CCNH: variants seen among roughly 807,000 people sequenced by gnomAD.
The protein encoded by CCNH is cyclin H.
In CCNH, 31 loss-of-function variants were observed where a neutral mutation model predicts 41.9. The observed-to-expected ratio is 0.74, with a 90% CI of 0.56 to 1.00. CCNH has a LOEUF of 1.00. Among genes scored for constraint, CCNH ranks in the 50% least tolerant of loss-of-function variants. The pLI is 0.00. For synonymous variants in CCNH, 138 were observed against 136.1 expected, an observed-to-expected ratio of 1.01 and a Z score of -0.10; for missense variants, 362 against 388.4, an observed-to-expected ratio of 0.93 and a Z score of 0.57.
intron 9 of CCNH, chr5:87,366,307 G>A: frequency 2.7e-6 from 1 of 367,812 alleles, no homozygotes; most frequent in South Asian, 2.1e-5. Flanking sequence ...CTGTAAGATT[G>A]AAGAAAAGCT....
chr5:87,345,384 G>A (rs530340564), intron 9 of CCNH, among the ~76,000 whole-genome samples: 12 of 152,154 alleles, frequency 7.9e-5, no homozygotes, highest in African/African-American at 2.9e-4. Flanking sequence ...AACTGTAGAA[G>A]TAGAGGATTA....
At chr5:87,331,119 T>A (rs1432999211) in intron 9 of CCNH, 1 of 851,902 alleles carries the variant, frequency 1.2e-6, no homozygotes, top group African/African-American at 1.7e-5. Context: ...GATTTATATA[T>A]GAGATGACTA....
intron 9 of CCNH, among the ~76,000 whole-genome samples, chr5:87,360,045 T>C (rs1252638812): frequency 6.6e-6 from 1 of 152,146 alleles, no homozygotes; most frequent in Admixed American, 6.5e-5. Context: ...ATTGTATCTA[T>C]CATATCAATT....
chr5:87,381,811 C>T (rs1761734858), upstream of CCNH, among the ~76,000 whole-genome samples: 1 of 152,138 alleles, frequency 6.6e-6, no homozygotes, highest in African/African-American at 2.4e-5. Flanking sequence ...AAATTGTAAA[C>T]TGTTTCGTGC....
chr5:87,382,421 A>G (rs1013487090), intron 9 of CCNH, among the ~76,000 whole-genome samples: 2 of 152,172 alleles, frequency 1.3e-5, no homozygotes, highest in African/African-American at 4.8e-5. Context: ...GAATTGCGTA[A>G]CTCATTATTT....
chr5:87,352,361 T>C (rs1293123519), intron 9 of CCNH, among the ~76,000 whole-genome samples: 3 of 151,610 alleles, frequency 2.0e-5, no homozygotes, highest in Admixed American at 6.6e-5. Context: ...AAACAAAATC[T>C]GTCTGGAGAA....
chr5:87,341,840 A>G (rs1383038330), intron 9 of CCNH, among the ~76,000 whole-genome samples: 4 of 152,092 alleles, frequency 2.6e-5, no homozygotes, highest in Admixed American at 6.5e-5. Context: ...TCATCTCCTA[A>G]TATCTTTTCA....
downstream of CCNH, among the ~76,000 whole-genome samples, chr5:87,314,777 G>C (rs887866165): frequency 1.3e-5 from 2 of 152,102 alleles, no homozygotes; most frequent in Non-Finnish European, 2.9e-5. Context: ...TGTTAGTTGA[G>C]ATATCCAGAT....
At chr5:87,382,050 C>G (rs1397594770), upstream of CCNH, among the ~76,000 whole-genome samples, 2 of 152,126 alleles carry the variant, frequency 1.3e-5, no homozygotes, top group African/African-American at 4.8e-5. Flanking sequence ...CTCCCAGGTT[C>G]AAGTGAGATT....
chr5:87,392,636 T>A, downstream of CCNH: 1 of 232,166 alleles, frequency 4.3e-6, no homozygotes, highest in Non-Finnish European at 8.8e-6. Flanking sequence ...CCTCAATCTT[T>A]AGCCATACTA....
chr5:87,337,896 T>C (rs1007970866), intron 9 of CCNH: 1 of 1,403,838 alleles, frequency 7.1e-7, no homozygotes. Flanking sequence ...ATCCCTATCC[T>C]ATTTTGTGGT....
upstream of CCNH, chr5:87,378,294 GT>G (rs1761460224): frequency 7.4e-7 from 1 of 1,357,362 alleles, no homozygotes. Flanking sequence ...GCACATTTAA[GT>G]GGCTATTCCT....
chr5:87,379,827 C>A, upstream of CCNH: 1 of 1,612,630 alleles, frequency 6.2e-7, no homozygotes, highest in South Asian at 1.1e-5. Flanking sequence ...AGAAAATATT[C>A]ATGGCTTCAG....
At chr5:87,389,582 A>T (rs1762329527), downstream of CCNH, 1 of 1,594,922 alleles carries the variant, frequency 6.3e-7, no homozygotes, top group Admixed American at 1.7e-5. Flanking sequence ...ACACTTAGAG[A>T]GTTAATAAAT....
intron 9 of CCNH, among the ~76,000 whole-genome samples, chr5:87,346,121 G>A (rs1202954341): frequency 6.6e-6 from 1 of 152,046 alleles, no homozygotes; most frequent in Non-Finnish European, 1.5e-5. Context: ...TTGATAGGCT[G>A]TTAGCTCAAA....
chr5:87,377,729 G>C (rs528095267), upstream of CCNH, among the ~76,000 whole-genome samples: 160 of 152,142 alleles, frequency 1.1e-3, 2 homozygotes, highest in African/African-American at 3.7e-3. Flanking sequence ...GCTTTTAATG[G>C]CTTACAAAAT....
At chr5:87,392,278 T>A (rs763203553), downstream of CCNH, 3 of 455,712 alleles carry the variant, frequency 6.6e-6, no homozygotes, top group South Asian at 3.1e-5. Context: ...GAAAAAAAAA[T>A]GCTAAGGGCT....
chr5:87,406,314 T>C (rs1226309212), intron 4 of CCNH, among the ~76,000 whole-genome samples: 1 of 152,176 alleles, frequency 6.6e-6, no homozygotes, highest in African/African-American at 2.4e-5. Context: ...TTGCTCTCAC[T>C]ACTAGCTCTT....
chr5:87,336,034 C>G (rs536956783), intron 9 of CCNH, among the ~76,000 whole-genome samples: 2 of 152,240 alleles, frequency 1.3e-5, no homozygotes, highest in Admixed American at 1.3e-4. Context: ...CTTTTCACAA[C>G]TACATTCTTA....
Sources: gnomAD v4.1 joint callset for allele counts (sites outside exome capture counted in the v4.1 genomes callset) on GRCh38, gnomAD v4.1.1 for gene constraint, MANE v1.5 for transcripts, NCBI Gene and HGNC (gene_info 2026-07-23, HGNC 2026-07-21) for gene names.